PDE8B: variants seen among roughly 807,000 people sequenced by gnomAD.
PDE8B encodes the protein phosphodiesterase 8B.
Under a neutral mutation model 101.3 loss-of-function variants are expected in PDE8B, and 26 were observed. The observed-to-expected ratio is 0.26, with a 90% CI of 0.19 to 0.36. PDE8B has a LOEUF of 0.36. Ranked by LOEUF, PDE8B falls within the 10% of genes least tolerant of loss-of-function variation. The probability of loss-of-function intolerance (pLI) is 1.00; values close to 1 mark genes in which losing one functional copy is unlikely to be tolerated. For missense variants in PDE8B, 810 were observed against 1,163.1 expected (o/e 0.70, Z 4.42); for synonymous variants, 424 against 429.3 (o/e 0.99, Z 0.15).
chr5:77,325,747 A>T lies in PDE8B; in HGVS notation c.590+18A>T. ...GTGTGCAGGTACCTTCTCTAATTTAATATGCTTAGTAAATGTTCACTTTAC... is the reference window on the plus strand; with the variant it reads ...GTGTGCAGGTACCTTCTCTAATTTATTATGCTTAGTAAATGTTCACTTTAC... On this transcript the variant is annotated intron_variant, in intron 3 of 21. Coordinates refer to ENST00000264917, the MANE Select transcript of PDE8B (RefSeq NM_003719.5). The T allele has an allele frequency of 4.6e-6, 7 of 1,525,900 alleles. No individual in the cohort carries two copies. The highest frequency in any genetic ancestry group is 6.4e-6 in the Non-Finnish European group (7 of 1,100,148). The allele number at this position is 1,525,900 out of a possible 1,614,324, so 94.5% of individuals were successfully genotyped here. A position where few individuals can be genotyped will look rare whatever the true frequency, so the allele number is the denominator to read the frequency against.
intron 1 of PDE8B, among the ~76,000 whole-genome samples, chr5:77,280,024 C>T (rs554553505): frequency 6.6e-5 from 10 of 152,300 alleles, no homozygotes; most frequent in Middle Eastern, 3.4e-3. Context: ...TTTATCCTGA[C>T]GCCCAGCATA....
chr5:77,270,840 C>G (rs173706), intron 1 of PDE8B, among the ~76,000 whole-genome samples: 19,393 of 152,232 alleles, frequency 0.13, 1,599 homozygotes, highest in East Asian at 0.46. Flanking sequence ...CAGCTCCTGA[C>G]CAGGCTTATC....
intron 20 of PDE8B, among the ~76,000 whole-genome samples, chr5:77,422,288 C>T (rs1433598820): frequency 6.6e-6 from 1 of 152,212 alleles, no homozygotes; most frequent in Non-Finnish European, 1.5e-5. Flanking sequence ...ATCTTCCATT[C>T]ATTCACTAGG....
chr5:77,351,122 GT>G lies in PDE8B; in HGVS notation c.1076del (p.Val359GlyfsTer6), dbSNP rs774526746. On this transcript the variant is annotated frameshift_variant, in exon 9 of 22. Transcript: ENST00000264917. LOFTEE classifies it high-confidence loss of function. ...RKSGDSIQQH[V>X]KITPVIGQGG... ...ATCCGGGGACAGCATCCAACAGCACGTGAAGATCACCCCAGTGATTGGCCAA... is the reference window on the plus strand; with the variant it reads ...ATCCGGGGACAGCATCCAACAGCACGGAAGATCACCCCAGTGATTGGCCAA... The G allele has an allele frequency of 6.2e-7, 1 of 1,613,848 alleles. No homozygotes were observed. Among genetic ancestry groups the G allele is most frequent in the African/African-American group, 1.3e-5 (1 of 74,920 alleles).
chr5:77,155,720 C>T, the PDE8B span, among the ~76,000 whole-genome samples: 1 of 152,134 alleles, frequency 6.6e-6, no homozygotes, highest in Non-Finnish European at 1.5e-5. Context: ...TCAGAGGTTG[C>T]CTAACTTGCC....
At chr5:77,143,798 G>A in the PDE8B span, 1 of 151,470 alleles carries the variant, frequency 6.6e-6, no homozygotes, top group African/African-American at 2.4e-5. Flanking sequence ...GCTTGAAGAT[G>A]AGAGGTGCAT....
At chr5:77,359,818 C>T (rs1185897135) in intron 10 of PDE8B, among the ~76,000 whole-genome samples, 4 of 152,126 alleles carry the variant, frequency 2.6e-5, no homozygotes, top group Non-Finnish European at 4.4e-5. Flanking sequence ...AGATAGACTG[C>T]CGGGCGCAGT....
At chr5:77,278,128 T>C (rs886824545) in intron 1 of PDE8B, among the ~76,000 whole-genome samples, 2 of 152,198 alleles carry the variant, frequency 1.3e-5, no homozygotes, top group African/African-American at 4.8e-5. Flanking sequence ...GTTTTCCTTA[T>C]TGTAATGACA....
the PDE8B span, among the ~76,000 whole-genome samples, chr5:77,182,213 C>T: frequency 6.6e-6 from 1 of 151,878 alleles, no homozygotes; most frequent in Admixed American, 6.6e-5. Context: ...TGTGAATGCT[C>T]ACTAGTTCTT....
chr5:77,265,800 A>T (rs1289470174), intron 1 of PDE8B, among the ~76,000 whole-genome samples: 1 of 152,250 alleles, frequency 6.6e-6, no homozygotes, highest in African/African-American at 2.4e-5. Context: ...ACAGACATTT[A>T]TTTCAATATT....
chr5:77,418,239 A>G lies in PDE8B; in HGVS notation c.1922A>G (p.Asp641Gly). 1.2e-6 allele frequency: 2 copies of G among 1,611,778 alleles called. No homozygotes were observed. Among genetic ancestry groups the G allele is most frequent in the East Asian group, 4.5e-5 (2 of 44,868 alleles). Residue 641 changes from aspartate to glycine, a missense_variant, in exon 18 of 22, where the codon GAT becomes GGT. Transcript: ENST00000264917. ...CTCCCCATATCCCAGGGAAGCCTCGATCAGTTGGATGAGGTGGCAGCCCTC... is the reference window on the plus strand; with the variant it reads ...CTCCCCATATCCCAGGGAAGCCTCGGTCAGTTGGATGAGGTGGCAGCCCTC... ...LGKERVKGSL[D>G]QLDEVAALIA...
At chr5:77,194,648 C>T in the PDE8B span, among the ~76,000 whole-genome samples, 4 of 152,134 alleles carry the variant, frequency 2.6e-5, no homozygotes, top group Non-Finnish European at 5.9e-5. Flanking sequence ...TGCTCTCTGT[C>T]TCTGGATTTG....
At position 77,424,773 on chromosome 5, in the gene PDE8B, C is replaced by T. The variant is rs893954307; in HGVS notation, c.2419-994C>T. On this transcript the variant is annotated intron_variant, in intron 20 of 21. Coordinates refer to ENST00000264917, the MANE Select transcript of PDE8B (RefSeq NM_003719.5). ...GATTTAATACAATTAATAACTCTTACTGCTTCAAAGAGGTAATTCTCAAGT... is the reference window on the plus strand; with the variant it reads ...GATTTAATACAATTAATAACTCTTATTGCTTCAAAGAGGTAATTCTCAAGT... Among the ~76,000 whole-genome samples the T allele has an allele frequency of 9.9e-5, 15 of 151,842 alleles. 1 individual carries two copies. Among genetic ancestry groups the T allele is most frequent in the Middle Eastern group, 6.3e-3 (2 of 316 alleles).
chr5:77,183,415 G>A, the PDE8B span, among the ~76,000 whole-genome samples: 1 of 152,070 alleles, frequency 6.6e-6, no homozygotes, highest in Non-Finnish European at 1.5e-5. Context: ...ACTGTGCCTG[G>A]GCGCTACTAT....
At chr5:77,143,698 G>A in the PDE8B span, among the ~76,000 whole-genome samples, 20 of 152,112 alleles carry the variant, frequency 1.3e-4, no homozygotes, top group African/African-American at 4.8e-4. Context: ...TTGACATCAA[G>A]TCTTTTTTCT....
intron 20 of PDE8B, among the ~76,000 whole-genome samples, chr5:77,425,329 G>A (rs968043904): frequency 6.6e-6 from 1 of 152,208 alleles, no homozygotes; most frequent in Admixed American, 6.5e-5. Context: ...GGGAGGCCAA[G>A]GGAGGCAGAT....
the PDE8B span, among the ~76,000 whole-genome samples, chr5:77,097,719 A>ATCTATATATATATCTATATATATATC: frequency 2.3e-5 from 1 of 43,214 alleles, no homozygotes; most frequent in African/African-American, 4.6e-5. Flanking sequence ...ATATATATAT[A>ATCTATATATATATCTATATATATATC]TATATATATA....
Position 77,400,308 on chromosome 5 carries a change from G to A in PDE8B, c.1210+18G>A. On this transcript the variant is annotated intron_variant, in intron 11 of 21. Coordinates refer to ENST00000264917, the MANE Select transcript of PDE8B (RefSeq NM_003719.5). ...TCAGACAGGTGAGAATACTTCAATT[G>A]AACTCTAACATACTTAGGAGGCAGC... 1 of 1,497,410 alleles carries A rather than the reference G, an allele frequency of 6.7e-7. No homozygotes were observed. The highest frequency in any genetic ancestry group is 9.3e-7 in the Non-Finnish European group (1 of 1,073,796). The allele number at this position is 1,497,410 out of a possible 1,614,324, so 92.8% of individuals were successfully genotyped here.
intron 20 of PDE8B, among the ~76,000 whole-genome samples, chr5:77,422,566 G>A (rs1796895506): frequency 6.6e-6 from 1 of 152,122 alleles, no homozygotes. Context: ...CAAAGGGAGG[G>A]GAAATAGAAT....
Sources: allele counts gnomAD v4.1 joint callset (sites outside exome capture counted in the v4.1 genomes callset), GRCh38; gene constraint gnomAD v4.1.1; transcripts MANE v1.5; gene names NCBI Gene and HGNC (gene_info 2026-07-23, HGNC 2026-07-21).